The following ABCB5 variants were observed in gnomAD, a reference collection of about 807,000 sequenced individuals.
The protein encoded by ABCB5 is ATP binding cassette subfamily B member 5.
ABCB5 carries 155 observed loss-of-function variants against 144.2 expected under a neutral mutation model. The observed-to-expected ratio is 1.08, with a 90% CI of 0.94 to 1.23. ABCB5 has a LOEUF of 1.23. ABCB5 is among the 50% of genes most tolerant of loss of function. The pLI is 0.00. For missense variants in ABCB5, 1,830 were observed against 1,520.8 expected (o/e 1.20, Z -3.38); for synonymous variants, 610 against 528.6 (o/e 1.15, Z -2.11).
chr7:20,671,660 T>C (rs1380736514), intron 14 of ABCB5, among the ~76,000 whole-genome samples: 2 of 152,232 alleles, frequency 1.3e-5, no homozygotes, highest in Non-Finnish European at 2.9e-5. Context: ...GTTTGTTTCT[T>C]TTTATTGATA....
In ABCB5 at chr7:20,665,429, A is replaced by C. The variant is rs529488838; in HGVS notation, c.1707+6753A>C. Among the ~76,000 whole-genome samples, 3 of 152,312 alleles carry C rather than the reference A, an allele frequency of 2.0e-5. No individual in the cohort carries two copies. The South Asian group carries it at 6.2e-4, about 32-fold the overall frequency. On this transcript the variant is annotated intron_variant, in intron 14 of 27. Coordinates refer to ENST00000404938, the MANE Select transcript of ABCB5 (RefSeq NM_001163941.2). Reference sequence around the variant, plus strand: ...TAAGCCAATTGGCTTTCAACATCACAGTCAGGTAGTTAAGAAACAAAAGGC... The same window carrying C: ...TAAGCCAATTGGCTTTCAACATCACCGTCAGGTAGTTAAGAAACAAAAGGC...
chr7:20,632,398 G>C (rs887734994), intron 5 of ABCB5, among the ~76,000 whole-genome samples: 2 of 152,042 alleles, frequency 1.3e-5, no homozygotes, highest in Non-Finnish European at 2.9e-5. Flanking sequence ...TTGCCTCCTA[G>C]TAATATCCTG....
chr7:20,617,720 A>G (rs1783718019), intron 1 of ABCB5, among the ~76,000 whole-genome samples: 1 of 152,202 alleles, frequency 6.6e-6, no homozygotes, highest in Admixed American at 6.5e-5. Context: ...TGTCAATAAG[A>G]GAATCATTTT....
At chr7:20,711,768 T>C (rs1787045013) in intron 20 of ABCB5, among the ~76,000 whole-genome samples, 1 of 61,674 alleles carries the variant, frequency 1.6e-5, no homozygotes, top group South Asian at 6.0e-4. Context: ...CTGCCTGCCT[T>C]TCCTTCTTTC....
At chr7:20,719,917 G>A (rs1053506056) in intron 20 of ABCB5, among the ~76,000 whole-genome samples, 6 of 148,008 alleles carry the variant, frequency 4.1e-5, no homozygotes, top group African/African-American at 1.3e-4. Context: ...AAATATAGAT[G>A]TAAATGTGTG....
intron 24 of ABCB5, among the ~76,000 whole-genome samples, chr7:20,740,024 G>T (rs992120551): frequency 6.6e-6 from 1 of 152,112 alleles, no homozygotes; most frequent in Admixed American, 6.5e-5. Context: ...GAGGTCAGGA[G>T]ATCGAGTCCA....
At position 20,728,248 on chromosome 7, in the gene ABCB5, C is replaced by CT. The variant is rs1782099009; in HGVS notation, c.2727-66dup. ...TTCAAAGTCCTCTCTATTTATTACT[C>CT]TACATGTATTCAATTGACCTTGCTA... On this transcript the variant is annotated intron_variant, in intron 22 of 27. Coordinates refer to ENST00000404938, the MANE Select transcript of ABCB5 (RefSeq NM_001163941.2). 1.4e-5 allele frequency: 21 copies of CT among 1,546,378 alleles called. No individual in the cohort carries two copies. The South Asian group carries it at 2.4e-4, about 18-fold the overall frequency.
At chr7:20,666,284 T>C (rs149632987) in intron 14 of ABCB5, among the ~76,000 whole-genome samples, 4 of 152,280 alleles carry the variant, frequency 2.6e-5, no homozygotes, top group African/African-American at 7.2e-5. Flanking sequence ...AGTGGGAACT[T>C]GTGTTCTCGT....
At chr7:20,749,733 C>T (rs960973649) in intron 26 of ABCB5, among the ~76,000 whole-genome samples, 7 of 152,146 alleles carry the variant, frequency 4.6e-5, no homozygotes, top group African/African-American at 1.7e-4. Context: ...TCCATCTGAG[C>T]CTAGAGGGGA....
intron 20 of ABCB5, among the ~76,000 whole-genome samples, chr7:20,716,668 G>T (rs1030892158): frequency 6.6e-6 from 1 of 152,130 alleles, no homozygotes; most frequent in Non-Finnish European, 1.5e-5. Flanking sequence ...AAAGACCATA[G>T]TAAGGAGAGG....
rs186872678 is a variant in ABCB5, at chr7:20,635,477, G to C, written c.314+3364G>C. Among the ~76,000 whole-genome samples the C allele has an allele frequency of 2.0e-5, 3 of 150,180 alleles. No individual in the cohort carries two copies. The East Asian group carries it at 6.0e-4, about 30-fold the overall frequency. ...TTGGCATTTTGATAGAAATTGCATTGAATGTATAGATTGCTTTGTCCAGTA... is the reference window on the plus strand; with the variant it reads ...TTGGCATTTTGATAGAAATTGCATTCAATGTATAGATTGCTTTGTCCAGTA... On this transcript the variant is annotated intron_variant, in intron 5 of 27. Transcript: ENST00000404938.
intron 14 of ABCB5, among the ~76,000 whole-genome samples, chr7:20,669,443 C>G (rs1785383449): frequency 7.2e-6 from 1 of 138,064 alleles, no homozygotes; most frequent in African/African-American, 2.9e-5. Flanking sequence ...ACCCTGTGCT[C>G]TCTGAAACAT....
In ABCB5 at chr7:20,643,252, G is replaced by A. The variant is rs1035362873; in HGVS notation, c.383G>A (p.Trp128Ter). The A allele has an allele frequency of 6.8e-6, 11 of 1,613,552 alleles. No homozygotes were observed. The African/African-American group carries it at 9.3e-5, about 14-fold the overall frequency. The change falls in exon 6 of 28, where the codon TGG becomes TAG. Residue 128 changes from tryptophan (W) to a stop codon, truncating the protein, a stop_gained. Transcript: ENST00000404938. LOFTEE classifies it high-confidence loss of function. ...TTTGGTTACATACAGATTTCCTTGT[G>A]GATTATAACTGCAGCACGACAGACC... The part of the protein sequence containing the change: ...LIFGYIQISL[W>*]IITAARQTKR...
intron 14 of ABCB5, chr7:20,659,597 AAAT>A: frequency 1.0e-6 from 1 of 993,004 alleles, no homozygotes; most frequent in Non-Finnish European, 1.2e-6. Context: ...CTTGTGTGAT[AAAT>A]AATCTTTGTT....
chr7:20,624,115 T>C (rs1783858210), intron 2 of ABCB5, among the ~76,000 whole-genome samples: 1 of 152,222 alleles, frequency 6.6e-6, no homozygotes, highest in South Asian at 2.1e-4. Flanking sequence ...CACCTTTTCC[T>C]CATAAATTCA....
intron 14 of ABCB5, among the ~76,000 whole-genome samples, chr7:20,677,052 A>T (rs1277865549): frequency 6.6e-5 from 10 of 152,324 alleles, no homozygotes; most frequent in Admixed American, 6.5e-4. Context: ...AGTTACATCC[A>T]TCATGATATT....
chr7:20,667,797 A>G (rs1162269363), intron 14 of ABCB5, among the ~76,000 whole-genome samples: 2 of 145,448 alleles, frequency 1.4e-5, no homozygotes, highest in Non-Finnish European at 3.0e-5. Flanking sequence ...TACTGCTGCC[A>G]TCTCGGCTCA....
At chr7:20,728,604 A>C in intron 23 of ABCB5, 149 bp downstream of exon 23, 2 of 935,074 alleles carry the variant, frequency 2.1e-6, no homozygotes, top group East Asian at 3.0e-5. Flanking sequence ...AAATACAAAA[A>C]TTAGCTGGGT....
Position 20,755,665 on chromosome 7 carries a change from A to G in ABCB5, c.*41A>G. 1 of 1,578,218 alleles carries G rather than the reference A, an allele frequency of 6.3e-7. No individual in the cohort carries two copies. The highest frequency in any genetic ancestry group is 8.7e-7 in the Non-Finnish European group (1 of 1,149,902). On this transcript the variant is annotated 3_prime_UTR_variant, in exon 28 of 28. Transcript: ENST00000404938. ...ACATATTTTGATGTTCGTGTAATGC[A>G]AAGAAGGAGTACTTAATAATTACTT...
Sources: gnomAD v4.1 joint callset for allele counts (sites outside exome capture counted in the v4.1 genomes callset) on GRCh38, gnomAD v4.1.1 for gene constraint, MANE v1.5 for transcripts, NCBI Gene and HGNC (gene_info 2026-07-23, HGNC 2026-07-21) for gene names.